CLCN5: variants seen among roughly 807,000 people sequenced by gnomAD.
CLCN5 encodes H(+)/Cl(-) exchange transporter 5.
A neutral mutation model predicts 54.0 loss-of-function variants in CLCN5; 17 were observed. That is an observed-to-expected ratio of 0.31 (90% CI 0.22 to 0.47). CLCN5 has a LOEUF of 0.47. Ranked by LOEUF, CLCN5 falls within the 20% of genes least tolerant of loss-of-function variation. CLCN5 has a pLI of 1.00. For synonymous variants in CLCN5, 222 were observed against 233.0 expected (o/e 0.95, Z 0.43); for missense variants, 448 against 646.7 (o/e 0.69, Z 3.33).
Position 50,032,483 on chromosome X carries a change from T to C in CLCN5, c.17-9833T>C, listed in dbSNP as rs782665396. 7.2e-5 allele frequency among the ~76,000 whole-genome samples: 8 copies of C among 111,575 alleles called. No individual in the cohort carries two copies. In the East Asian group the frequency reaches 2.2e-3, roughly 31 times the overall value. Reference sequence around the variant, plus strand: ...CTCTGATGGCCGGTGTTGGTGAGCATTTTTTCATGTGTTTTTTGGCTGCAT... The same window carrying C: ...CTCTGATGGCCGGTGTTGGTGAGCACTTTTTCATGTGTTTTTTGGCTGCAT... On this transcript the variant is annotated intron_variant, in intron 3 of 14. Coordinates refer to ENST00000376091, the MANE Select transcript of CLCN5 (RefSeq NM_001127898.4).
chrX:50,010,304 C>T (rs1193570021), intron 3 of CLCN5, among the ~76,000 whole-genome samples: 1 of 108,973 alleles, frequency 9.2e-6, no homozygotes, highest in African/African-American at 3.4e-5. Flanking sequence ...GCACTGGCAC[C>T]ATCACAGTTC....
At position 50,092,568 on chromosome X, in the gene CLCN5, G is replaced by A. The variant is rs111438914; in HGVS notation, c.*349G>A. The stretch of plus-strand genomic sequence containing the variant: ...AAACTATGCAAGAGAAATTCCAACC[G>A]TCCTGACCTATAACCTGTAGGAAAC... On this transcript the variant is annotated 3_prime_UTR_variant, in exon 15 of 15. Transcript: ENST00000376091. 1,221 of 202,298 alleles carry A rather than the reference G, an allele frequency of 6.0e-3. 5 individuals carry two copies. The highest frequency in any genetic ancestry group is 9.9e-3 in the South Asian group (105 of 10,577). 16.7% of individuals were successfully genotyped at this position (202,298 alleles called of 1,213,427 possible). A position where few individuals can be genotyped will look rare whatever the true frequency, so the allele number is the denominator to read the frequency against.
intron 3 of CLCN5, among the ~76,000 whole-genome samples, chrX:50,019,494 T>C (rs1930977646): frequency 1.3e-5 from 1 of 74,659 alleles, no homozygotes; most frequent in Non-Finnish European, 2.5e-5. Flanking sequence ...TTTTTTATTA[T>C]ACTCTAAGTT....
At chrX:50,026,174 T>C (rs1161555909) in intron 3 of CLCN5, among the ~76,000 whole-genome samples, 1 of 111,982 alleles carries the variant, frequency 8.9e-6, no homozygotes. Context: ...TCCAAGTATT[T>C]GAGTTTTCAA....
At chrX:50,089,399 A>G (rs1298270673) in intron 12 of CLCN5, among the ~76,000 whole-genome samples, 1 of 112,513 alleles carries the variant, frequency 8.9e-6, no homozygotes, top group East Asian at 2.8e-4. Flanking sequence ...ATGTGAGTTC[A>G]CTCATTTAAA....
intron 3 of CLCN5, among the ~76,000 whole-genome samples, chrX:49,989,137 A>G (rs951540621): frequency 3.8e-5 from 4 of 106,627 alleles, no homozygotes; most frequent in Non-Finnish European, 5.8e-5. Context: ...CAGTGGCATG[A>G]TCGTGGCTCA....
intron 3 of CLCN5, among the ~76,000 whole-genome samples, chrX:50,006,475 C>T (rs1930154522): frequency 9.0e-6 from 1 of 111,552 alleles, no homozygotes; most frequent in African/African-American, 3.3e-5. Flanking sequence ...ATTTGGGGAT[C>T]CAATAGTGGC....
intron 7 of CLCN5, among the ~76,000 whole-genome samples, chrX:50,079,980 GTTTA>G (rs368948461): frequency 1.8e-5 from 2 of 111,651 alleles, no homozygotes; most frequent in African/African-American, 6.5e-5. Flanking sequence ...ATGCATGTAA[GTTTA>G]TTTCAATGTA....
intron 3 of CLCN5, among the ~76,000 whole-genome samples, chrX:49,949,548 A>G (rs1235155830): frequency 1.8e-5 from 2 of 111,966 alleles, no homozygotes; most frequent in African/African-American, 6.5e-5. Context: ...TGTTCTGGTT[A>G]TTTGACTATT....
intron 9 of CLCN5, among the ~76,000 whole-genome samples, chrX:50,085,006 A>T (rs1396061391): frequency 8.9e-6 from 1 of 111,931 alleles, no homozygotes; most frequent in Non-Finnish European, 1.9e-5. Flanking sequence ...GGAATTTCAA[A>T]GCCCTTCCAG....
intron 6 of CLCN5, 65 bp downstream of exon 6, chrX:50,072,653 C>G: frequency 1.2e-6 from 1 of 826,713 alleles, no homozygotes; most frequent in Admixed American, 2.2e-5. Flanking sequence ...TCCCGTAAGT[C>G]CTGAGCTGAG....
intron 3 of CLCN5, among the ~76,000 whole-genome samples, chrX:49,935,584 GA>G (rs782616359): frequency 1.1e-4 from 12 of 111,690 alleles, no homozygotes; most frequent in Non-Finnish European, 2.1e-4. Flanking sequence ...CTATGAAAAA[GA>G]ATAGTAGAGA....
intron 4 of CLCN5, 113 bp downstream of exon 4, chrX:50,042,575 A>C: frequency 2.2e-6 from 1 of 458,847 alleles, no homozygotes; most frequent in Non-Finnish European, 3.3e-6. Context: ...GTTTTTAACA[A>C]ATGGCTAGAT....
chrX:50,080,737 T>C, intron 8 of CLCN5, 21 bp downstream of exon 8: 2 of 1,166,739 alleles, frequency 1.7e-6, no homozygotes, highest in Non-Finnish European at 2.3e-6. Flanking sequence ...TAAAATGGTT[T>C]ATAAATGGTT....
chrX:49,994,241 G>A (rs1361562611), intron 3 of CLCN5, among the ~76,000 whole-genome samples: 2 of 111,171 alleles, frequency 1.8e-5, no homozygotes. Flanking sequence ...GGGAGAGCAG[G>A]AATAGATTTT....
intron 3 of CLCN5, among the ~76,000 whole-genome samples, chrX:49,974,082 A>C (rs539710986): frequency 8.9e-6 from 1 of 112,248 alleles, no homozygotes; most frequent in South Asian, 3.7e-4. Context: ...TCGGTACTTC[A>C]TTCCTTTTTA....
intron 3 of CLCN5, among the ~76,000 whole-genome samples, chrX:49,929,225 C>T (rs1057494861): frequency 1.8e-5 from 2 of 111,507 alleles, no homozygotes; most frequent in African/African-American, 3.3e-5. Context: ...GATCTGAATT[C>T]CCATACCTCT....
intron 1 of CLCN5, 28 bp from the exon 2 acceptor site, chrX:49,923,379 C>T (rs1244415384): frequency 8.9e-6 from 1 of 112,953 alleles, no homozygotes; most frequent in Non-Finnish European, 1.9e-5. Flanking sequence ...TTTACATTGA[C>T]GCACGTTTCC....
chrX:49,982,712 G>A (rs1032016505), intron 3 of CLCN5, among the ~76,000 whole-genome samples: 11 of 111,565 alleles, frequency 9.9e-5, no homozygotes, highest in Non-Finnish European at 1.9e-5. Flanking sequence ...CGTTTAAAAT[G>A]GCAACTATAT....
Sources: allele counts gnomAD v4.1 joint callset (sites outside exome capture counted in the v4.1 genomes callset), GRCh38; gene constraint gnomAD v4.1.1; transcripts MANE v1.5; gene names NCBI Gene and HGNC (gene_info 2026-07-23, HGNC 2026-07-21).